Variants in MID1 observed in about 807,000 individuals in gnomAD.
The protein encoded by MID1 is midline 1.
In MID1, 7 loss-of-function variants were observed where a neutral mutation model predicts 40.4. That is an observed-to-expected ratio of 0.17 (90% confidence interval 0.10 to 0.33). The LOEUF (loss-of-function observed/expected upper bound fraction) is 0.33, where lower values mean the gene tolerates loss of function less well. Ranked by LOEUF, MID1 falls within the 10% of genes least tolerant of loss-of-function variation. The pLI, the probability that MID1 is intolerant of heterozygous loss-of-function variation, is 1.00. For missense variants in MID1, 367 were observed against 558.5 expected, an observed-to-expected ratio of 0.66 and a Z score of 3.46; for synonymous variants, 229 against 221.2, an observed-to-expected ratio of 1.04 and a Z score of -0.31.
intron 1 of MID1, among the ~76,000 whole-genome samples, chrX:10,788,203 GATTT>G (rs991639106): frequency 9.0e-6 from 1 of 111,578 alleles, no homozygotes; most frequent in Admixed American, 9.5e-5. Context: ...AAGTGTAATG[GATTT>G]ATTTAAATTA....
chrX:10,784,687 C>T (rs912958533), intron 1 of MID1, among the ~76,000 whole-genome samples: 2 of 110,337 alleles, frequency 1.8e-5, no homozygotes, highest in Non-Finnish European at 3.8e-5. Flanking sequence ...CTCTGGTAAT[C>T]CGCCTGCCTC....
chrX:10,784,218 A>C (rs2043865300), intron 1 of MID1, among the ~76,000 whole-genome samples: 1 of 110,865 alleles, frequency 9.0e-6, no homozygotes, highest in Admixed American at 9.7e-5. Context: ...TTACATACCC[A>C]CACTGACTCA....
At chrX:10,744,288 G>C (rs183005168) in intron 1 of MID1, among the ~76,000 whole-genome samples, 8 of 112,278 alleles carry the variant, frequency 7.1e-5, no homozygotes, top group South Asian at 3.7e-4. Context: ...TGCTACAGGT[G>C]CCCTGAGGGA....
At chrX:10,537,201 T>G (rs1038177667) in intron 2 of MID1, among the ~76,000 whole-genome samples, 1 of 110,332 alleles carries the variant, frequency 9.1e-6, no homozygotes, top group African/African-American at 3.3e-5. Context: ...AAAAAAAAAA[T>G]TAAGTGGTAT....
chrX:10,478,416 C>T (rs1930128594), intron 5 of MID1, among the ~76,000 whole-genome samples: 1 of 111,943 alleles, frequency 8.9e-6, no homozygotes, highest in African/African-American at 3.2e-5. Flanking sequence ...TTTATCCCCA[C>T]AATAACCATC....
At chrX:10,560,706 T>G (rs1266211949) in intron 2 of MID1, among the ~76,000 whole-genome samples, 1 of 110,397 alleles carries the variant, frequency 9.1e-6, no homozygotes, top group African/African-American at 3.3e-5. Context: ...AAACAACTGC[T>G]CAAGGAAATA....
At chrX:10,554,223 T>C (rs1934034164) in intron 2 of MID1, among the ~76,000 whole-genome samples, 1 of 112,428 alleles carries the variant, frequency 8.9e-6, no homozygotes, top group Non-Finnish European at 1.9e-5. Context: ...TTGCAGGAGA[T>C]ACGTGGTTGT....
rs1928011381 is a variant in MID1, at chrX:10,445,841, G to A, written c.*3527C>T. ...TTAAAGGTGATGGAGCCACTGGAGT[G>A]TAGGTGAATTGGTGCCCCTCCCCTT... On this transcript the variant is annotated 3_prime_UTR_variant, in exon 10 of 10. Coordinates refer to ENST00000317552, the MANE Select transcript of MID1 (RefSeq NM_000381.4). The A allele has an allele frequency of 8.9e-6, 1 of 111,803 alleles. No homozygotes were observed. Among genetic ancestry groups the A allele is most frequent in the African/African-American group, 3.3e-5 (1 of 30,695 alleles). 9.2% of individuals were successfully genotyped at this position (111,803 alleles called of 1,213,427 possible). A position where few individuals can be genotyped will look rare whatever the true frequency, so the allele number is the denominator to read the frequency against.
At chrX:10,796,830 A>G (rs749054374) in intron 1 of MID1, among the ~76,000 whole-genome samples, 3 of 111,029 alleles carry the variant, frequency 2.7e-5, no homozygotes, top group Non-Finnish European at 5.7e-5. Context: ...TCTTTTCTAT[A>G]TATCTCCCAT....
At chrX:10,575,219 A>G (rs894451563) in intron 1 of MID1, among the ~76,000 whole-genome samples, 4 of 111,736 alleles carry the variant, frequency 3.6e-5, no homozygotes, top group Non-Finnish European at 7.5e-5. Context: ...GATTTTTGCT[A>G]TGAGATTATC....
intron 3 of MID1, among the ~76,000 whole-genome samples, chrX:10,519,005 A>C (rs895109278): frequency 1.8e-5 from 2 of 112,317 alleles, no homozygotes; most frequent in South Asian, 3.7e-4. Context: ...TTAGAATGTA[A>C]TTTTACATCA....
At chrX:10,698,703 C>G (rs2043176250) in intron 1 of MID1, among the ~76,000 whole-genome samples, 1 of 95,215 alleles carries the variant, frequency 1.1e-5, no homozygotes, top group African/African-American at 4.0e-5. Context: ...AATTGAGAAA[C>G]AGCAGATGCA....
intron 1 of MID1, among the ~76,000 whole-genome samples, chrX:10,608,644 A>T (rs1178878136): frequency 3.6e-5 from 4 of 111,309 alleles, no homozygotes. Context: ...CTTCCTATGG[A>T]TCTGTAATTA....
intron 1 of MID1, among the ~76,000 whole-genome samples, chrX:10,828,246 G>A (rs187388874): frequency 2.4e-4 from 27 of 111,900 alleles, no homozygotes; most frequent in African/African-American, 8.4e-4. Flanking sequence ...TTAGCAAAGA[G>A]TGAACTCTTG....
intron 7 of MID1, among the ~76,000 whole-genome samples, chrX:10,467,688 C>T (rs909192258): frequency 8.9e-6 from 1 of 111,992 alleles, no homozygotes; most frequent in African/African-American, 3.2e-5. Context: ...GACTCTCAAG[C>T]CCACAGGGTA....
At chrX:10,715,869 G>A (rs920668945) in intron 1 of MID1, among the ~76,000 whole-genome samples, 36 of 111,521 alleles carry the variant, frequency 3.2e-4, no homozygotes, top group Non-Finnish European at 5.7e-4. Context: ...CGATCAGGCA[G>A]CAACATTTGC....
intron 1 of MID1, among the ~76,000 whole-genome samples, chrX:10,820,494 G>T (rs1280706019): frequency 8.9e-6 from 1 of 111,873 alleles, no homozygotes; most frequent in Non-Finnish European, 1.9e-5. Flanking sequence ...TATAATGTTT[G>T]TGTACCTACA....
rs751843746 is a variant in MID1 at position 10,630,853 on chromosome X, G to A, written c.-186-10434C>T. Among the ~76,000 whole-genome samples the A allele has an allele frequency of 2.3e-4, 26 of 110,842 alleles. No individual in the cohort carries two copies. In the South Asian group the frequency reaches 2.3e-3, roughly 10 times the overall value. On this transcript the variant is annotated intron_variant, in intron 1 of 10. Coordinates refer to the MID1 transcript ENST00000380785. ...AGTGTGGCTTGCTGATGGACTGTAT[G>A]TGTCAGATAAAGAGCAGAAACGAGG...
chrX:10,748,186 C>T (rs765335481), intron 1 of MID1, among the ~76,000 whole-genome samples: 19 of 110,949 alleles, frequency 1.7e-4, no homozygotes, highest in African/African-American at 5.6e-4. Context: ...GGGCCTCCCT[C>T]GAAGCAACCC....
Sources: gnomAD v4.1 joint callset for allele counts (sites outside exome capture counted in the v4.1 genomes callset) on GRCh38, gnomAD v4.1.1 for gene constraint, MANE v1.5 for transcripts, NCBI Gene and HGNC (gene_info 2026-07-23, HGNC 2026-07-21) for gene names.